Variants in CXCL9 observed in about 807,000 individuals in gnomAD.
CXCL9 encodes C-X-C motif chemokine ligand 9.
CXCL9 carries 8 observed loss-of-function variants against 11.7 expected under a neutral mutation model. That is an observed-to-expected ratio of 0.68 (90% CI 0.40 to 1.23). The LOEUF is 1.23. Among genes scored for constraint, CXCL9 ranks in the 50% most tolerant of loss-of-function variants. CXCL9 has a pLI of 0.01. For synonymous variants in CXCL9, 43 were observed against 48.2 expected, an observed-to-expected ratio of 0.89 and a Z score of 0.45; for missense variants, 133 against 141.7, an observed-to-expected ratio of 0.94 and a Z score of 0.31.
In CXCL9 at chr4:76,003,514, A is replaced by C. The variant is rs1731515959; in HGVS notation, c.*84T>G. On this transcript the variant is annotated 3_prime_UTR_variant, in exon 4 of 4. Transcript: ENST00000264888. ...AGTCAAATTAATAAGCCTTTGTATTATATGCCATCCTCCTTTGGAATGATA... is the reference window on the plus strand; with the variant it reads ...AGTCAAATTAATAAGCCTTTGTATTCTATGCCATCCTCCTTTGGAATGATA... 1.3e-6 allele frequency: 1 copy of C among 772,092 alleles called. No homozygotes were observed. The highest frequency in any genetic ancestry group is 2.3e-5 in the Admixed American group (1 of 43,716). The allele number at this position is 772,092 out of a possible 1,614,324, so 47.8% of individuals were successfully genotyped here.
In CXCL9 at chr4:76,002,617, T is replaced by A. The variant is rs1324024003; in HGVS notation, c.*981A>T. 2.8e-6 allele frequency: 1 copy of A among 357,614 alleles called. No individual in the cohort carries two copies. The highest frequency in any genetic ancestry group is 5.0e-6 in the Non-Finnish European group (1 of 200,814). 22.2% of individuals were successfully genotyped at this position (357,614 alleles called of 1,614,324 possible). On this transcript the variant is annotated 3_prime_UTR_variant, in exon 4 of 4. Transcript: ENST00000264888. ...GGGAAATATACTGTGGCTCTTGCCC[T>A]CAAGGAGCTGACAATCTGGTTGGAG...
intron 2 of CXCL9, chr4:76,005,833 GA>G: frequency 4.6e-6 from 1 of 219,076 alleles, no homozygotes. Context: ...GGAAGATTTA[GA>G]AAACTGTATA....
At chr4:76,004,955 GA>G in intron 2 of CXCL9, 62 bp from the exon 3 acceptor site, 1 of 1,467,016 alleles carries the variant, frequency 6.8e-7, no homozygotes, top group East Asian at 2.5e-5. Context: ...CTTCTTCTCA[GA>G]AATAATGAAA....
At chr4:76,006,410 C>T (rs1170113504) in intron 1 of CXCL9, 136 bp from the exon 2 acceptor site, 4 of 791,008 alleles carry the variant, frequency 5.1e-6, no homozygotes. Flanking sequence ...TCACCACAAA[C>T]CTTTGAAGGA....
intron 2 of CXCL9, 136 bp downstream of exon 2, chr4:76,006,012 C>G: frequency 1.4e-6 from 1 of 711,330 alleles, no homozygotes; most frequent in Non-Finnish European, 2.4e-6. Flanking sequence ...AAGAAAGGAG[C>G]TGCCCAAATT....
chr4:76,006,295 G>A, intron 1 of CXCL9, 21 bp from the exon 2 acceptor site: 1 of 1,611,538 alleles, frequency 6.2e-7, no homozygotes, highest in South Asian at 1.1e-5. Flanking sequence ...GAAAAAGATA[G>A]AACACATCAG....
intron 3 of CXCL9, 22 bp from the exon 4 acceptor site, chr4:76,003,721 G>A: frequency 7.3e-7 from 1 of 1,361,178 alleles, no homozygotes; most frequent in Non-Finnish European, 1.0e-6. Flanking sequence ...AGGGGAAAAA[G>A]GGCAATGTTT....
Position 76,007,404 on chromosome 4 carries a change from C to G in CXCL9, c.46G>C (p.Val16Leu), listed in dbSNP as rs776514039. ...CCCTTACCTTGCACTCCAATCAGAA[C>G]CAGCAAGATGATGCCCAAGAGGAAA... ...VLFLLGIILLVLIGVQGTPVV... is the reference protein window; with the variant it reads ...VLFLLGIILLLLIGVQGTPVV... Residue 16 changes from valine to leucine, a missense_variant, in exon 1 of 4, where the codon GTT (valine) becomes CTT (leucine). Transcript: ENST00000264888. The G allele has an allele frequency of 6.3e-7, 1 of 1,599,656 alleles. No homozygotes were observed. Among genetic ancestry groups the G allele is most frequent in the Non-Finnish European group, 8.6e-7 (1 of 1,166,862 alleles).
At chr4:76,004,142 A>T (rs1731533043) in intron 3 of CXCL9, among the ~76,000 whole-genome samples, 1 of 151,976 alleles carries the variant, frequency 6.6e-6, no homozygotes, top group Admixed American at 6.6e-5. Flanking sequence ...CTTCAAATCC[A>T]ACTCCTTAGT....
In CXCL9 at chr4:76,003,681, GC is replaced by G; in HGVS notation, c.294del (p.Lys98AsnfsTer14). 1 of 1,608,848 alleles carries G rather than the reference GC, an allele frequency of 6.2e-7. No individual in the cohort carries two copies. Among genetic ancestry groups the G allele is most frequent in the Non-Finnish European group, 8.5e-7 (1 of 1,177,028 alleles). ...TTTTGATGTTTTTTCCCATTCTTTTGCTTTTTCTTTTGGCTGACCTGTGAGA... is the reference window on the plus strand; with the variant it reads ...TTTTGATGTTTTTTCCCATTCTTTTGTTTTTCTTTTGGCTGACCTGTGAGA... ...KWEKQVSQKK[K>X]QKNGKKHQKK... On this transcript the variant is annotated frameshift_variant, in exon 4 of 4. Transcript: ENST00000264888. LOFTEE classifies it low-confidence loss of function (END_TRUNC).
Position 76,002,171 on chromosome 4 carries a change from A to C in CXCL9, c.*1427T>G. On this transcript the variant is annotated 3_prime_UTR_variant, in exon 4 of 4. Coordinates refer to ENST00000264888, the MANE Select transcript of CXCL9 (RefSeq NM_002416.3). ...GATCTTAGAAAGCTGAGGCTTATTG[A>C]GAAAGCCCTTTTCCTTCGGGAAAAG... 1 of 396,578 alleles carries C rather than the reference A, an allele frequency of 2.5e-6. No individual in the cohort carries two copies. Among genetic ancestry groups the C allele is most frequent in the Non-Finnish European group, 4.4e-6 (1 of 225,076 alleles). The allele number at this position is 396,578 out of a possible 1,614,324, so 24.6% of individuals were successfully genotyped here.
chr4:76,006,198 T>C lies in CXCL9; in HGVS notation c.141A>G (p.Lys47=), dbSNP rs1208235461. The C allele has an allele frequency of 1.9e-6, 3 of 1,613,846 alleles. No individual in the cohort carries two copies. The South Asian group carries it at 3.3e-5, about 18-fold the overall frequency. The change falls in exon 2 of 4, where the codon AAA becomes AAG. Residue 47 remains lysine, a synonymous_variant. Transcript: ENST00000264888. ...GGCTTGGGGCAAATTGTTTAAGGTC[T>C]TTCAAGGATTGTAGGTGGATAGTCC... The part of the protein sequence containing the change: ...NQGTIHLQSL[K]DLKQFAPSPS...
chr4:76,004,613 AGTGGGAGACAGAGAGGGGATACTATAT>A (rs1731548671), intron 3 of CXCL9, among the ~76,000 whole-genome samples, 169 bp downstream of exon 3: 1 of 152,248 alleles, frequency 6.6e-6, no homozygotes, highest in Non-Finnish European at 1.5e-5. Flanking sequence ...ACATTCTTCC[AGTGGGAGACAGAGAGGGGATACTATAT>A]GTAGGAACCT....
intron 3 of CXCL9, 58 bp from the exon 4 acceptor site, chr4:76,003,757 T>C (rs1002274101): frequency 3.0e-5 from 31 of 1,023,154 alleles, no homozygotes; most frequent in Non-Finnish European, 3.0e-5. Flanking sequence ...TTTACTTCCT[T>C]TTATTTGGAC....
At position 76,003,484 on chromosome 4, in the gene CXCL9, T is replaced by G. The variant is rs1186660286; in HGVS notation, c.*114A>C. 2 of 602,628 alleles carry G rather than the reference T, an allele frequency of 3.3e-6. No homozygotes were observed. Among genetic ancestry groups the G allele is most frequent in the Non-Finnish European group, 5.8e-6 (2 of 346,588 alleles). The allele number at this position is 602,628 out of a possible 1,614,324, so 37.3% of individuals were successfully genotyped here. ...ACAATTTCAGAGTAATGTTTTAAAT[T>G]TTCTAGTCAAATTAATAAGCCTTTG... On this transcript the variant is annotated 3_prime_UTR_variant, in exon 4 of 4. Coordinates refer to ENST00000264888, the MANE Select transcript of CXCL9 (RefSeq NM_002416.3).
Position 76,002,430 on chromosome 4 carries a change from T to G in CXCL9, c.*1168A>C. The stretch of plus-strand genomic sequence containing the variant: ...CCTGTAGTGAGTGTCCTGAAGATAA[T>G]AAGTAAGAGGTTACCAGAGGCTAGC... On this transcript the variant is annotated 3_prime_UTR_variant, in exon 4 of 4. Transcript: ENST00000264888. The G allele has an allele frequency of 2.5e-6, 1 of 398,344 alleles. No individual in the cohort carries two copies. Among genetic ancestry groups the G allele is most frequent in the Non-Finnish European group, 4.4e-6 (1 of 225,936 alleles). 24.7% of individuals were successfully genotyped at this position (398,344 alleles called of 1,614,324 possible). A position where few individuals can be genotyped will look rare whatever the true frequency, so the allele number is the denominator to read the frequency against.
intron 3 of CXCL9, 68 bp downstream of exon 3, chr4:76,004,741 A>C (rs1247055177): frequency 3.9e-6 from 6 of 1,536,122 alleles, no homozygotes; most frequent in Admixed American, 4.4e-5. Flanking sequence ...TTAATGAAAA[A>C]GCAGATTCTT....
chr4:76,005,807 C>T, intron 2 of CXCL9: 1 of 205,026 alleles, frequency 4.9e-6, no homozygotes, highest in Non-Finnish European at 1.0e-5. Context: ...ATGTTATGTG[C>T]ACACGAAGCA....
At chr4:76,004,092 C>G (rs905237363) in intron 3 of CXCL9, among the ~76,000 whole-genome samples, 56 of 152,266 alleles carry the variant, frequency 3.7e-4, no homozygotes, top group African/African-American at 1.3e-3. Context: ...GTCTGTGAGA[C>G]TCCAGAACCC....
Sources: gnomAD v4.1 joint callset for allele counts (sites outside exome capture counted in the v4.1 genomes callset) on GRCh38, gnomAD v4.1.1 for gene constraint, MANE v1.5 for transcripts, NCBI Gene and HGNC (gene_info 2026-07-23, HGNC 2026-07-21) for gene names.